The following XPR1 variants were observed in gnomAD, a reference collection of about 807,000 sequenced individuals.
XPR1 encodes xenotropic and polytropic retrovirus receptor 1.
A neutral mutation model predicts 87.5 loss-of-function variants in XPR1; 28 were observed. The ratio of observed to expected loss-of-function variants is 0.32; its 90% confidence interval spans 0.24 to 0.44. XPR1 has a LOEUF of 0.44. XPR1 is among the 20% of genes least tolerant of loss of function. XPR1 has a pLI of 1.00. For synonymous variants in XPR1, 300 were observed against 306.1 expected (o/e 0.98, Z 0.21); for missense variants, 559 against 862.3 (o/e 0.65, Z 4.41).
At chr1:180,697,104 A>G (rs963229742) in intron 2 of XPR1, among the ~76,000 whole-genome samples, 1 of 151,932 alleles carries the variant, frequency 6.6e-6, no homozygotes, top group African/African-American at 2.4e-5. Context: ...AAGCCATCCA[A>G]TCCTGGAATT....
chr1:180,693,394 G>A (rs557894102), intron 2 of XPR1, among the ~76,000 whole-genome samples: 1 of 152,338 alleles, frequency 6.6e-6, no homozygotes, highest in South Asian at 2.1e-4. Flanking sequence ...AAAAATTCCT[G>A]CCACTGAAAT....
In XPR1 at chr1:180,824,045, T is replaced by TA. The variant is rs1358279369; in HGVS notation, c.764-707dup. Among the ~76,000 whole-genome samples the TA allele has an allele frequency of 2.0e-5, 3 of 152,346 alleles. No individual in the cohort carries two copies. The East Asian group carries it at 5.8e-4, about 29-fold the overall frequency. The stretch of plus-strand genomic sequence containing the variant: ...CAACTCTGTGAGGTAGATATTACTA[T>TA]ATCCAGTTTAATAATGGAGTAAATG... On this transcript the variant is annotated intron_variant, in intron 7 of 14. Coordinates refer to ENST00000367590, the MANE Select transcript of XPR1 (RefSeq NM_004736.4).
chr1:180,708,744 A>T (rs1356383288), intron 2 of XPR1, among the ~76,000 whole-genome samples: 2 of 152,138 alleles, frequency 1.3e-5, no homozygotes, highest in Non-Finnish European at 2.9e-5. Flanking sequence ...AAACTCTTTC[A>T]TAAAGGTAAT....
chr1:180,694,259 TA>T (rs569944818), intron 2 of XPR1, among the ~76,000 whole-genome samples: 48 of 152,324 alleles, frequency 3.2e-4, no homozygotes, highest in African/African-American at 1.1e-3. Flanking sequence ...ATTCTCAGCC[TA>T]CTATATCCAT....
intron 1 of XPR1, among the ~76,000 whole-genome samples, chr1:180,653,778 T>C (rs967338595): frequency 2.0e-5 from 3 of 152,172 alleles, no homozygotes; most frequent in African/African-American, 7.2e-5. Flanking sequence ...ACTTTGAATA[T>C]AAGCACTGCA....
chr1:180,777,498 G>T (rs1163098385), intron 2 of XPR1, among the ~76,000 whole-genome samples: 1 of 152,116 alleles, frequency 6.6e-6, no homozygotes, highest in African/African-American at 2.4e-5. Flanking sequence ...GCTTATCGCT[G>T]TATCCCTACC....
At chr1:180,649,255 C>G (rs936566996) in intron 1 of XPR1, among the ~76,000 whole-genome samples, 1 of 150,728 alleles carries the variant, frequency 6.6e-6, no homozygotes, top group Non-Finnish European at 1.5e-5. Flanking sequence ...GAAACCCCAT[C>G]TCTACTAAAA....
chr1:180,750,325 T>C (rs1345562700), intron 2 of XPR1, among the ~76,000 whole-genome samples: 1 of 152,150 alleles, frequency 6.6e-6, no homozygotes, highest in Non-Finnish European at 1.5e-5. Flanking sequence ...GAAGAACTAA[T>C]TGCTGATCAT....
intron 2 of XPR1, among the ~76,000 whole-genome samples, chr1:180,745,553 C>T (rs1296306643): frequency 6.6e-6 from 1 of 152,122 alleles, no homozygotes; most frequent in East Asian, 1.9e-4. Context: ...CACAGGGTTT[C>T]ATGGGAGTTT....
intron 2 of XPR1, among the ~76,000 whole-genome samples, chr1:180,693,038 T>C (rs1363093282): frequency 6.6e-6 from 1 of 152,082 alleles, no homozygotes; most frequent in Non-Finnish European, 1.5e-5. Flanking sequence ...GAGAAGGTAA[T>C]GAAATAGGGA....
Position 180,792,612 on chromosome 1 carries a change from A to G in XPR1, c.223+4758A>G, listed in dbSNP as rs571514990. The stretch of plus-strand genomic sequence containing the variant: ...AATTGACATTTATTTAGATTTATAG[A>G]TAAAATCAGTATTTGAAGATCATAG... On this transcript the variant is annotated intron_variant, in intron 3 of 14. Coordinates refer to ENST00000367590, the MANE Select transcript of XPR1 (RefSeq NM_004736.4). Among the ~76,000 whole-genome samples the G allele has an allele frequency of 8.5e-5, 13 of 152,322 alleles. No homozygotes were observed. The East Asian group carries it at 2.5e-3, about 29-fold the overall frequency.
chr1:180,670,323 T>C (rs1168281371), intron 1 of XPR1, among the ~76,000 whole-genome samples: 2 of 152,182 alleles, frequency 1.3e-5, no homozygotes, highest in African/African-American at 2.4e-5. Context: ...CTTATGTGTT[T>C]AGTTGATTTT....
intron 9 of XPR1, among the ~76,000 whole-genome samples, chr1:180,829,158 T>G (rs1175713712): frequency 6.6e-6 from 1 of 152,188 alleles, no homozygotes; most frequent in Non-Finnish European, 1.5e-5. Context: ...ATTGTACCAC[T>G]GCACTCCATG....
chr1:180,888,529 G>A lies in XPR1; in HGVS notation c.*4463G>A, dbSNP rs943572594. On this transcript the variant is annotated 3_prime_UTR_variant, in exon 15 of 15. Transcript: ENST00000367590. ...AGGAATTCAGTGTCATTACAGATACGGTCTCTAGTGACCAGGTGAAGACAA... is the reference window on the plus strand; with the variant it reads ...AGGAATTCAGTGTCATTACAGATACAGTCTCTAGTGACCAGGTGAAGACAA... 4 of 151,710 alleles carry A rather than the reference G, an allele frequency of 2.6e-5. No homozygotes were observed. Among genetic ancestry groups the A allele is most frequent in the Admixed American group, 6.6e-5 (1 of 15,220 alleles). 9.4% of individuals were successfully genotyped at this position (151,710 alleles called of 1,614,324 possible).
chr1:180,787,538 C>T lies in XPR1; in HGVS notation c.122-215C>T, dbSNP rs759820176. 3.1e-4 allele frequency among the ~76,000 whole-genome samples: 47 copies of T among 152,070 alleles called. 1 individual carries two copies. The highest frequency in any genetic ancestry group is 1.9e-4 in the East Asian group (1 of 5,194). ...AAGTGATCTGCCCGCCTCGGCCTCCCGAAGTACTGGGATTACAGGCATGAG... is the reference window on the plus strand; with the variant it reads ...AAGTGATCTGCCCGCCTCGGCCTCCTGAAGTACTGGGATTACAGGCATGAG... On this transcript the variant is annotated intron_variant, in intron 2 of 14. Coordinates refer to ENST00000367590, the MANE Select transcript of XPR1 (RefSeq NM_004736.4).
At chr1:180,782,673 T>C (rs910446427) in intron 2 of XPR1, among the ~76,000 whole-genome samples, 2 of 151,990 alleles carry the variant, frequency 1.3e-5, no homozygotes, top group East Asian at 3.8e-4. Flanking sequence ...GTTGCCTCTT[T>C]AAAGGCCCTG....
chr1:180,848,097 A>G (rs1048730562), intron 11 of XPR1, among the ~76,000 whole-genome samples: 1 of 152,224 alleles, frequency 6.6e-6, no homozygotes, highest in Non-Finnish European at 1.5e-5. Flanking sequence ...TATAGGGTAC[A>G]TAGTGATGTT....
intron 2 of XPR1, among the ~76,000 whole-genome samples, chr1:180,731,371 C>G (rs1658551354): frequency 6.6e-6 from 1 of 152,108 alleles, no homozygotes; most frequent in Non-Finnish European, 1.5e-5. Flanking sequence ...AAATCCATCT[C>G]CCTGACTGAC....
rs188961177 is a variant in XPR1 at position 180,711,369 on chromosome 1, C to T, written c.121+28958C>T. Among the ~76,000 whole-genome samples the T allele has an allele frequency of 7.8e-3, 1,183 of 152,138 alleles. 14 individuals are homozygous for T. The highest frequency in any genetic ancestry group is 0.027 in the African/African-American group (1,126 of 41,530). On this transcript the variant is annotated intron_variant, in intron 2 of 14. Coordinates refer to ENST00000367590, the MANE Select transcript of XPR1 (RefSeq NM_004736.4). Reference sequence around the variant, plus strand: ...GACTCCATCTGCAATCCCAGCACCTCGGGAGGCCAAGGCTGGCAGATCACT... The same window carrying T: ...GACTCCATCTGCAATCCCAGCACCTTGGGAGGCCAAGGCTGGCAGATCACT...
Sources: allele counts gnomAD v4.1 joint callset (sites outside exome capture counted in the v4.1 genomes callset), GRCh38; gene constraint gnomAD v4.1.1; transcripts MANE v1.5; gene names NCBI Gene and HGNC (gene_info 2026-07-23, HGNC 2026-07-21).